Variants in DOCK1 observed in about 807,000 individuals in gnomAD.
DOCK1 encodes dedicator of cytokinesis 1.
Under a neutral mutation model 262.7 loss-of-function variants are expected in DOCK1, and 138 were observed. That is an observed-to-expected ratio of 0.53 (90% CI 0.46 to 0.61). The LOEUF (loss-of-function observed/expected upper bound fraction) is 0.61, where lower values mean the gene tolerates loss of function less well. Among genes scored for constraint, DOCK1 ranks in the 20% least tolerant of loss-of-function variants. The pLI is 0.00. For synonymous variants in DOCK1, 866 were observed against 867.4 expected (o/e 1.00, Z 0.03); for missense variants, 1,908 against 2,370.7 (o/e 0.80, Z 4.05).
chr10:127,449,420 C>T (rs774714772), intron 51 of DOCK1, among the ~76,000 whole-genome samples: 38 of 152,224 alleles, frequency 2.5e-4, no homozygotes, highest in Middle Eastern at 3.4e-3. Flanking sequence ...AAATCAACTC[C>T]GGGGTAACAT....
chr10:126,994,052 G>T (rs922298709), intron 6 of DOCK1, among the ~76,000 whole-genome samples: 1 of 152,058 alleles, frequency 6.6e-6, no homozygotes, highest in African/African-American at 2.4e-5. Flanking sequence ...TGTTAAAAAA[G>T]CCTGTTTCCA....
At chr10:127,205,192 C>T (rs540013098) in intron 27 of DOCK1, among the ~76,000 whole-genome samples, 1 of 152,256 alleles carries the variant, frequency 6.6e-6, no homozygotes, top group South Asian at 2.1e-4. Flanking sequence ...ACTTGTGATT[C>T]ATTCACACCA....
chr10:127,257,001 A>C (rs1345252856), intron 28 of DOCK1, among the ~76,000 whole-genome samples: 1 of 152,220 alleles, frequency 6.6e-6, no homozygotes, highest in African/African-American at 2.4e-5. Context: ...TGTAACCTGC[A>C]AGCCTTGTTT....
chr10:127,057,205 C>G (rs1287701868), intron 22 of DOCK1, among the ~76,000 whole-genome samples: 1 of 152,188 alleles, frequency 6.6e-6, no homozygotes, highest in Non-Finnish European at 1.5e-5. Flanking sequence ...GGACTCTCAT[C>G]TTCTTACCTG....
intron 13 of DOCK1, among the ~76,000 whole-genome samples, chr10:127,021,319 C>T (rs2042406122): frequency 1.3e-5 from 2 of 152,160 alleles, no homozygotes; most frequent in Non-Finnish European, 2.9e-5. Context: ...GCACGCACTA[C>T]CATGCCTGGC....
Position 127,052,695 on chromosome 10 carries a change from T to C in DOCK1, c.2216T>C (p.Val739Ala). 6.2e-7 allele frequency: 1 copy of C among 1,613,990 alleles called. No homozygotes were observed. ...ATLAYTKLTK[V>A]LKNYVDGAEK... ...ATTGTGAATAGGAAGTTGACAAAAG[T>C]GTTGAAGAACTACGTGGACGGTGCT... Residue 739 changes from valine to alanine, a missense_variant, in exon 22 of 52, where the codon GTG becomes GCG. This residue lies in a region of DOCK1 where 518 missense variants were observed against 575.1 expected (regional missense o/e 0.90). Coordinates refer to ENST00000623213, the MANE Select transcript of DOCK1 (RefSeq NM_001290223.2).
chr10:127,136,589 C>T (rs945592628), intron 27 of DOCK1: 8 of 152,050 alleles, frequency 5.3e-5, no homozygotes, highest in African/African-American at 1.9e-4. Context: ...TAAAAAGATA[C>T]TTGCAAAGGT....
intron 1 of DOCK1, among the ~76,000 whole-genome samples, chr10:126,922,130 T>G (rs775122234): frequency 1.4e-5 from 2 of 147,304 alleles, no homozygotes; most frequent in African/African-American, 2.5e-5. Flanking sequence ...GAGGATTATG[T>G]CCCTGGAGCC....
chr10:126,954,881 G>A (rs2036605750), intron 1 of DOCK1, among the ~76,000 whole-genome samples: 1 of 152,146 alleles, frequency 6.6e-6, no homozygotes, highest in Non-Finnish European at 1.5e-5. Context: ...TAATGCTGCT[G>A]TGAACCTTGG....
chr10:127,438,152 A>G (rs2069823848), intron 48 of DOCK1, among the ~76,000 whole-genome samples: 1 of 152,220 alleles, frequency 6.6e-6, no homozygotes, highest in African/African-American at 2.4e-5. Context: ...CTCCAGTCTT[A>G]GAGTTGGATC....
chr10:126,944,145 G>C (rs975935499), intron 1 of DOCK1, among the ~76,000 whole-genome samples: 1 of 151,370 alleles, frequency 6.6e-6, no homozygotes, highest in Non-Finnish European at 1.5e-5. Flanking sequence ...GTGGGGAGGA[G>C]CCAGTGGGTT....
intron 1 of DOCK1, among the ~76,000 whole-genome samples, chr10:126,943,283 A>G (rs2134271243): frequency 1.3e-5 from 2 of 152,256 alleles, no homozygotes; most frequent in East Asian, 3.9e-4. Context: ...TGAAAGGTTT[A>G]AGACCTTCTT....
intron 1 of DOCK1, among the ~76,000 whole-genome samples, chr10:126,948,257 G>GGTA (rs1483798694): frequency 1.7e-4 from 3 of 17,712 alleles, no homozygotes; most frequent in Non-Finnish European, 2.5e-4. Flanking sequence ...TGATGGTGGT[G>GGTA]GTTGGTAGTA....
intron 15 of DOCK1, chr10:127,026,068 A>AAAAG: frequency 4.5e-6 from 1 of 221,286 alleles, no homozygotes; most frequent in Non-Finnish European, 7.9e-6. Flanking sequence ...TCAAAAAAAA[A>AAAAG]AAAAGAAAGA....
At chr10:126,908,733 G>A (rs1404588799) in intron 1 of DOCK1, among the ~76,000 whole-genome samples, 1 of 152,174 alleles carries the variant, frequency 6.6e-6, no homozygotes, top group African/African-American at 2.4e-5. Flanking sequence ...GGTGGGTCAT[G>A]TTTACGGGCC....
Position 127,016,786 on chromosome 10 carries a change from GCACACACACAGATACAGACACCACAAA to G in DOCK1, c.1202-1907_1202-1881del, listed in dbSNP as rs977811754. On this transcript the variant is annotated intron_variant, in intron 12 of 51. Transcript: ENST00000623213. Reference sequence around the variant, plus strand: ...AAACACCACAAACACAGACACACGCGCACACACACAGATACAGACACCACAAACACACACACAGATACACTACACATA... The same window carrying G: ...AAACACCACAAACACAGACACACGCGCACACACACAGATACACTACACATA... 1.6e-4 allele frequency among the ~76,000 whole-genome samples: 10 copies of G among 62,328 alleles called. 1 individual carries two copies. The highest frequency in any genetic ancestry group is 7.5e-4 in the African/African-American group (10 of 13,394). The allele number at this position is 62,328 out of a possible 152,430, so 40.9% of individuals were successfully genotyped here.
intron 21 of DOCK1, among the ~76,000 whole-genome samples, chr10:127,046,757 C>CA (rs5788823): frequency 0.13 from 9,556 of 72,968 alleles, 788 homozygotes; most frequent in Non-Finnish European, 0.17. Flanking sequence ...CACTACGTCT[C>CA]AAAAAAAAAA....
intron 18 of DOCK1, 112 bp downstream of exon 18, chr10:127,032,432 T>G: frequency 8.8e-7 from 1 of 1,136,452 alleles, no homozygotes; most frequent in East Asian, 2.8e-5. Context: ...ACGTCACCCA[T>G]AAGGCATTCA....
chr10:127,416,237 G>C (rs1197056333), intron 44 of DOCK1, among the ~76,000 whole-genome samples: 1 of 152,208 alleles, frequency 6.6e-6, no homozygotes, highest in Non-Finnish European at 1.5e-5. Context: ...TTCCCTTTCT[G>C]TGCCCCTAGC....
Sources: gnomAD v4.1 joint callset for allele counts (sites outside exome capture counted in the v4.1 genomes callset) on GRCh38, gnomAD v4.1.1 for gene constraint, gnomAD v4.1.1 regional missense constraint, MANE v1.5 for transcripts, NCBI Gene and HGNC (gene_info 2026-07-23, HGNC 2026-07-21) for gene names.